The following ROCK2 variants were observed in gnomAD, a reference collection of about 807,000 sequenced individuals.
ROCK2 encodes Rho associated coiled-coil containing protein kinase 2, also known as rho-associated protein kinase 2.
Under a neutral mutation model 195.1 loss-of-function variants are expected in ROCK2, and 61 were observed. The observed-to-expected ratio is 0.31, with a 90% CI of 0.25 to 0.39. The LOEUF is 0.39. ROCK2 is among the 10% of genes least tolerant of loss of function. The probability of loss-of-function intolerance (pLI) is 1.00; values close to 1 mark genes in which losing one functional copy is unlikely to be tolerated. For missense variants in ROCK2, 1,109 were observed against 1,637.4 expected, an observed-to-expected ratio of 0.68 and a Z score of 5.57; for synonymous variants, 504 against 545.5, an observed-to-expected ratio of 0.92 and a Z score of 1.06.
intron 4 of ROCK2, among the ~76,000 whole-genome samples, chr2:11,243,171 G>T (rs972535691): frequency 6.6e-6 from 1 of 152,166 alleles, no homozygotes; most frequent in Non-Finnish European, 1.5e-5. Context: ...ATGTGATGTG[G>T]TTTGAAACTG....
Position 11,191,891 on chromosome 2 carries a change from T to C in ROCK2, c.4163+257A>G, listed in dbSNP as rs367618070. 1.3e-4 allele frequency among the ~76,000 whole-genome samples: 20 copies of C among 152,278 alleles called. No homozygotes were observed. In the South Asian group the frequency reaches 2.1e-3, roughly 16 times the overall value. On this transcript the variant is annotated intron_variant, in intron 32 of 32. Transcript: ENST00000315872. ...GTTAAGTGAGGATTTATTGTACAAA[T>C]AAACATAACAAAAATCTTTAAAGAT...
In ROCK2 at chr2:11,183,403, C is replaced by T. The variant is rs779241633; in HGVS notation, c.*34G>A. ...CTTGTTTTCACTGGAAGAATACGAT[C>T]ACCTTGAATAATGACTGCTTTCATA... is the stretch of plus-strand genomic sequence containing the variant. On this transcript the variant is annotated 3_prime_UTR_variant, in exon 33 of 33. Transcript: ENST00000315872. The T allele has an allele frequency of 6.3e-7, 1 of 1,577,164 alleles. No individual in the cohort carries two copies. Among genetic ancestry groups the T allele is most frequent in the Admixed American group, 1.8e-5 (1 of 54,094 alleles).
chr2:11,208,177 C>A (rs1664122066), intron 19 of ROCK2, 110 bp downstream of exon 19: 1 of 629,834 alleles, frequency 1.6e-6, no homozygotes, highest in Admixed American at 4.4e-5. Flanking sequence ...CAACAGGTTG[C>A]AGACTATTAT....
In ROCK2 at chr2:11,208,464, G is replaced by T. The variant is rs756985759; in HGVS notation, c.2204-17C>A. On this transcript the variant is annotated splice_polypyrimidine_tract_variant and intron_variant, in intron 18 of 32. Transcript: ENST00000315872. ...TCTCCATTTCTAGTATAATAAAAAT[G>T]GACACAATCATAAATTTACAAATAA... 1 of 1,394,694 alleles carries T rather than the reference G, an allele frequency of 7.2e-7. No individual in the cohort carries two copies. The highest frequency in any genetic ancestry group is 9.6e-7 in the Non-Finnish European group (1 of 1,046,818). The allele number at this position is 1,394,694 out of a possible 1,614,324, so 86.4% of individuals were successfully genotyped here.
Position 11,344,388 on chromosome 2 carries a change from C to T in ROCK2, c.-252G>A, listed in dbSNP as rs1669217989. On this transcript the variant is annotated 5_prime_UTR_variant, in exon 1 of 33. Coordinates refer to ENST00000315872, the MANE Select transcript of ROCK2 (RefSeq NM_004850.5). This position sits in a 1 kb window ranked among gnomAD's most constrained non-coding sequence, Gnocchi z 5.4. ...CGGGGAACAGACGGCGTCCCCGCCC[C>T]TCAGTCAGATTCGCGCCGCCGGTCC... is the stretch of plus-strand genomic sequence containing the variant. The T allele has an allele frequency of 1.8e-6, 2 of 1,132,328 alleles. No individual in the cohort carries two copies. The highest frequency in any genetic ancestry group is 3.2e-5 in the African/African-American group (2 of 61,754). 70.1% of individuals were successfully genotyped at this position (1,132,328 alleles called of 1,614,324 possible).
At chr2:11,283,627 A>G (rs1667093133) in intron 3 of ROCK2, among the ~76,000 whole-genome samples, 2 of 151,906 alleles carry the variant, frequency 1.3e-5, no homozygotes, top group Non-Finnish European at 2.9e-5. Context: ...TACAGATGGC[A>G]AATAAGTATA....
Position 11,344,544 on chromosome 2 carries a change from G to A in ROCK2, c.-408C>T, listed in dbSNP as rs1260091664. On this transcript the variant is annotated 5_prime_UTR_variant, in exon 1 of 33. Transcript: ENST00000315872. The surrounding 1 kb of genome is among the most constrained non-coding windows in gnomAD (Gnocchi z 5.4). ...TGAAGCCCAGGCCTGGGCCACTACGGCCGCCGCCGGCCCGCTGCCATGGTC... is the reference window on the plus strand; with the variant it reads ...TGAAGCCCAGGCCTGGGCCACTACGACCGCCGCCGGCCCGCTGCCATGGTC... The A allele has an allele frequency of 5.9e-5, 57 of 963,254 alleles. No homozygotes were observed. Among genetic ancestry groups the A allele is most frequent in the Non-Finnish European group, 6.9e-5 (56 of 811,486 alleles). 59.7% of individuals were successfully genotyped at this position (963,254 alleles called of 1,614,324 possible). A position where few individuals can be genotyped will look rare whatever the true frequency, so the allele number is the denominator to read the frequency against.
chr2:11,343,441 G>A (rs1255431012), intron 1 of ROCK2, among the ~76,000 whole-genome samples: 1 of 152,136 alleles, frequency 6.6e-6, no homozygotes, highest in Non-Finnish European at 1.5e-5. Flanking sequence ...TAAATTTACA[G>A]CAATTAAAAT....
At chr2:11,289,357 A>G (rs919440606) in intron 1 of ROCK2, among the ~76,000 whole-genome samples, 2 of 152,192 alleles carry the variant, frequency 1.3e-5, no homozygotes, top group Admixed American at 6.5e-5. Context: ...TACCAAATCA[A>G]TGTATCTTTA....
At chr2:11,219,466 G>T (rs1246321284) in intron 9 of ROCK2, among the ~76,000 whole-genome samples, 3 of 151,714 alleles carry the variant, frequency 2.0e-5, no homozygotes, top group African/African-American at 4.8e-5. Flanking sequence ...AGCTGAGATC[G>T]CACCACTGCA....
At chr2:11,303,517 C>A (rs571929630) in intron 1 of ROCK2, among the ~76,000 whole-genome samples, 2 of 152,298 alleles carry the variant, frequency 1.3e-5, no homozygotes, top group African/African-American at 4.8e-5. Context: ...AACACCACAA[C>A]AGCAATTCTC....
intron 4 of ROCK2, among the ~76,000 whole-genome samples, chr2:11,247,110 A>G (rs1439164986): frequency 1.3e-5 from 2 of 152,250 alleles, no homozygotes; most frequent in Non-Finnish European, 2.9e-5. Flanking sequence ...CAAAAGACAT[A>G]CATACATGTT....
chr2:11,287,801 CTTTTAA>C (rs879276000), intron 1 of ROCK2, 65 bp from the exon 2 acceptor site: 2 of 625,628 alleles, frequency 3.2e-6, no homozygotes, highest in Non-Finnish European at 5.0e-6. Flanking sequence ...TTAAAAAAGT[CTTTTAA>C]TTTTATTTAT....
chr2:11,308,397 A>C (rs1158637450), intron 1 of ROCK2: 2 of 1,579,822 alleles, frequency 1.3e-6, no homozygotes, highest in Non-Finnish European at 1.7e-6. Flanking sequence ...CCTGGTGAAG[A>C]AGAGAATTTG....
chr2:11,283,518 G>A (rs1432626793), intron 3 of ROCK2, among the ~76,000 whole-genome samples: 2 of 136,202 alleles, frequency 1.5e-5, no homozygotes, highest in South Asian at 2.4e-4. Context: ...CCGAGATTGC[G>A]CCACTGCAGT....
Position 11,329,245 on chromosome 2 carries a change from T to C in ROCK2, c.141+14751A>G, listed in dbSNP as rs192325307. On this transcript the variant is annotated intron_variant, in intron 1 of 32. Coordinates refer to ENST00000315872, the MANE Select transcript of ROCK2 (RefSeq NM_004850.5). ...TGAGATCAAACAGGGATCCTCTTTA[T>C]GTACTTTGGTGGAATTTTATTAATA... Among the ~76,000 whole-genome samples the C allele has an allele frequency of 1.5e-3, 225 of 152,278 alleles. 1 individual carries two copies. The highest frequency in any genetic ancestry group is 4.4e-3 in the African/African-American group (183 of 41,564).
At chr2:11,330,668 C>T (rs1004289535) in intron 1 of ROCK2, among the ~76,000 whole-genome samples, 7 of 133,596 alleles carry the variant, frequency 5.2e-5, no homozygotes, top group South Asian at 5.0e-4. Flanking sequence ...ACAGAGACTG[C>T]GTCTCAAAAA....
In ROCK2 at chr2:11,344,336, A is replaced by AGCCCGGCCCGGCCCG. The variant is rs76229353; in HGVS notation, c.-201_-200insCGGGCCGGGCCGGGC. ...GGGCCCGCCCGGCCCAGCCCGGCCC[A>AGCCCGGCCCGGCCCG]GCCCGGCCCGGCCCTGCCGGGAGCG... On this transcript the variant is annotated 5_prime_UTR_variant, in exon 1 of 33. Transcript: ENST00000315872. This position sits in a 1 kb window ranked among gnomAD's most constrained non-coding sequence, Gnocchi z 5.4. 1.3e-5 allele frequency: 15 copies of AGCCCGGCCCGGCCCG among 1,149,376 alleles called. No homozygotes were observed. The highest frequency in any genetic ancestry group is 4.9e-5 in the African/African-American group (3 of 61,812). 71.2% of individuals were successfully genotyped at this position (1,149,376 alleles called of 1,614,324 possible).
intron 13 of ROCK2, among the ~76,000 whole-genome samples, chr2:11,215,862 TA>T (rs1239291570): frequency 6.6e-6 from 1 of 152,224 alleles, no homozygotes; most frequent in East Asian, 1.9e-4. Flanking sequence ...AAACTTCCTG[TA>T]AATTTCCACA....
Sources: allele counts gnomAD v4.1 joint callset (sites outside exome capture counted in the v4.1 genomes callset), GRCh38; gene constraint gnomAD v4.1.1; non-coding constraint Gnocchi (gnomAD v3.1); transcripts MANE v1.5; gene names NCBI Gene and HGNC (gene_info 2026-07-23, HGNC 2026-07-21).